The following OTULINL variants were observed in gnomAD, a reference collection of about 807,000 sequenced individuals.
The protein encoded by OTULINL is inactive ubiquitin thioesterase OTULINL.
A neutral mutation model predicts 43.9 loss-of-function variants in OTULINL; 42 were observed. The ratio of observed to expected loss-of-function variants is 0.96; its 90% CI spans 0.75 to 1.24. OTULINL has a LOEUF of 1.24. Among genes scored for constraint, OTULINL ranks in the 50% most tolerant of loss-of-function variants. OTULINL has a pLI of 0.00. For missense variants in OTULINL, 411 were observed against 426.4 expected (o/e 0.96, Z 0.32); for synonymous variants, 172 against 153.6 (o/e 1.12, Z -0.88).
At chr5:14,600,205 GC>G (rs994256975) in intron 1 of OTULINL, among the ~76,000 whole-genome samples, 1 of 152,112 alleles carries the variant, frequency 6.6e-6, no homozygotes, top group African/African-American at 2.4e-5. Context: ...TTTATAAGGG[GC>G]TTTCCCCCCT....
chr5:14,615,063 A>G lies in OTULINL; in HGVS notation c.*4749A>G, dbSNP rs558707482. 10 of 260,800 alleles carry G rather than the reference A, an allele frequency of 3.8e-5. No homozygotes were observed. The Admixed American group carries it at 4.9e-4, about 13-fold the overall frequency. The allele number at this position is 260,800 out of a possible 1,614,324, so 16.2% of individuals were successfully genotyped here. A position where few individuals can be genotyped will look rare whatever the true frequency, so the allele number is the denominator to read the frequency against. On this transcript the variant is annotated 3_prime_UTR_variant, in exon 8 of 8. Coordinates refer to ENST00000274217, the MANE Select transcript of OTULINL (RefSeq NM_019018.3). ...CCCATTTCCACACGAGTATAAATTT[A>G]AAACAGAAACATCAAGGTGTCAGCA... is the stretch of plus-strand genomic sequence containing the variant.
intron 1 of OTULINL, among the ~76,000 whole-genome samples, chr5:14,590,858 A>G (rs1487403139): frequency 1.3e-5 from 2 of 152,188 alleles, no homozygotes; most frequent in Non-Finnish European, 2.9e-5. Context: ...ATCAGGGGCT[A>G]GCAGGATGTG....
chr5:14,583,251 A>G (rs1018020620), intron 1 of OTULINL, among the ~76,000 whole-genome samples: 2 of 152,228 alleles, frequency 1.3e-5, no homozygotes, highest in Non-Finnish European at 2.9e-5. Context: ...GCCTCCAGTT[A>G]GCTGATCCAG....
rs953575310 is a variant in OTULINL at position 14,584,905 on chromosome 5, T to C, written c.64+2947T>C. On this transcript the variant is annotated intron_variant, in intron 1 of 7. Transcript: ENST00000274217. ...TTGTGTTCCCATGGGCAGTGGCAGG[T>C]AATCACTAGGCAGGCAGGTGAATTT... 3.9e-5 allele frequency among the ~76,000 whole-genome samples: 6 copies of C among 152,194 alleles called. 1 individual carries two copies. Among genetic ancestry groups the C allele is most frequent in the Non-Finnish European group, 8.8e-5 (6 of 68,028 alleles).
rs1488739488 is a variant in OTULINL at position 14,581,912 on chromosome 5, C to T, written c.18C>T (p.Ser6=). 5 of 1,412,444 alleles carry T rather than the reference C, an allele frequency of 3.5e-6. No individual in the cohort carries two copies. Among genetic ancestry groups the T allele is most frequent in the Non-Finnish European group, 4.6e-6 (5 of 1,083,094 alleles). 87.5% of individuals were successfully genotyped at this position (1,412,444 alleles called of 1,614,324 possible). A position where few individuals can be genotyped will look rare whatever the true frequency, so the allele number is the denominator to read the frequency against. ...CGGCCGGCATGGCGGCGACAAGGAGCCCCACGCGGGCAAGGGAGCGGGAGC... is the reference window on the plus strand; with the variant it reads ...CGGCCGGCATGGCGGCGACAAGGAGTCCCACGCGGGCAAGGGAGCGGGAGC... The part of the protein sequence containing the change: MAATR[S]PTRARERERS... Residue 6 remains serine (S), a synonymous_variant, in exon 1 of 8, where the codon AGC becomes AGT. Transcript: ENST00000274217.
At chr5:14,589,747 T>C (rs1759166363) in intron 1 of OTULINL, among the ~76,000 whole-genome samples, 1 of 152,070 alleles carries the variant, frequency 6.6e-6, no homozygotes, top group South Asian at 2.1e-4. Context: ...AGTCAGGGGT[T>C]CGAGACCAGC....
At chr5:14,596,982 A>G (rs892556078) in intron 1 of OTULINL, among the ~76,000 whole-genome samples, 2 of 152,200 alleles carry the variant, frequency 1.3e-5, no homozygotes, top group Admixed American at 6.5e-5. Flanking sequence ...TTTCCAACAC[A>G]TAAAACTAAC....
intron 1 of OTULINL, among the ~76,000 whole-genome samples, chr5:14,585,196 A>G (rs1324430797): frequency 6.6e-6 from 1 of 150,768 alleles, no homozygotes. Context: ...GAGAGCTGCT[A>G]GTTACAACTA....
intron 7 of OTULINL, 86 bp from the exon 8 acceptor site, chr5:14,610,055 C>T: frequency 1.7e-6 from 2 of 1,181,696 alleles, no homozygotes; most frequent in Non-Finnish European, 2.5e-6. Context: ...ATTTCATAAA[C>T]TGCAGAGGAA....
At chr5:14,594,731 A>AT (rs1461838037) in intron 1 of OTULINL, among the ~76,000 whole-genome samples, 1 of 152,132 alleles carries the variant, frequency 6.6e-6, no homozygotes, top group Non-Finnish European at 1.5e-5. Context: ...CCTGCCCTTG[A>AT]TTACAAATGA....
At chr5:14,590,046 C>A (rs1035098191) in intron 1 of OTULINL, among the ~76,000 whole-genome samples, 1 of 152,110 alleles carries the variant, frequency 6.6e-6, no homozygotes, top group African/African-American at 2.4e-5. Context: ...CTTACTTTGG[C>A]CAAAGGGAAA....
At chr5:14,590,800 A>G (rs1759188412) in intron 1 of OTULINL, among the ~76,000 whole-genome samples, 1 of 152,150 alleles carries the variant, frequency 6.6e-6, no homozygotes, top group Non-Finnish European at 1.5e-5. Context: ...ATAGGTAATG[A>G]CCATTTTTTA....
intron 1 of OTULINL, among the ~76,000 whole-genome samples, chr5:14,582,522 G>A (rs1450895822): frequency 6.6e-6 from 1 of 152,112 alleles, no homozygotes; most frequent in Non-Finnish European, 1.5e-5. Flanking sequence ...GGGGCCGGGC[G>A]CGGTGGTTCA....
At chr5:14,582,126 C>T (rs1199693610) in intron 1 of OTULINL, among the ~76,000 whole-genome samples, 168 bp downstream of exon 1, 1 of 149,578 alleles carries the variant, frequency 6.7e-6, no homozygotes, top group Non-Finnish European at 1.5e-5. Flanking sequence ...CTGAGCCGGG[C>T]GGGAGTGGGG....
chr5:14,610,066 C>A, intron 7 of OTULINL, 75 bp from the exon 8 acceptor site: 2 of 1,310,420 alleles, frequency 1.5e-6, no homozygotes, highest in Non-Finnish European at 2.2e-6. Context: ...TGCAGAGGAA[C>A]ACTTCCCCCC....
chr5:14,610,016 G>A (rs1470455484), intron 7 of OTULINL, 125 bp from the exon 8 acceptor site: 4 of 725,282 alleles, frequency 5.5e-6, no homozygotes, highest in East Asian at 2.6e-5. Context: ...ACTCAGTGGT[G>A]TATGGGTGGG....
At position 14,614,140 on chromosome 5, in the gene OTULINL, C is replaced by T. The variant is rs1579932314; in HGVS notation, c.*3826C>T. ...CAAATTTCTAAAGCTGTATGATTCT[C>T]TTTGCAAGAATGTTTTTCACACTGC... On this transcript the variant is annotated 3_prime_UTR_variant, in exon 8 of 8. Transcript: ENST00000274217. Among the ~76,000 whole-genome samples, 4 of 152,138 alleles carry T rather than the reference C, an allele frequency of 2.6e-5. No individual in the cohort carries two copies. The highest frequency in any genetic ancestry group is 9.7e-5 in the African/African-American group (4 of 41,426).
intron 5 of OTULINL, among the ~76,000 whole-genome samples, chr5:14,602,852 T>G (rs779713106): frequency 6.6e-6 from 1 of 152,234 alleles, no homozygotes; most frequent in Non-Finnish European, 1.5e-5. Flanking sequence ...CATCTTTTCT[T>G]GAGGGGCATC....
At chr5:14,583,230 A>G (rs150921010) in intron 1 of OTULINL, among the ~76,000 whole-genome samples, 4 of 152,340 alleles carry the variant, frequency 2.6e-5, no homozygotes, top group African/African-American at 7.2e-5. Context: ...GTCCTCATCC[A>G]TAAAATGAGA....
Sources: allele counts gnomAD v4.1 joint callset (sites outside exome capture counted in the v4.1 genomes callset), GRCh38; gene constraint gnomAD v4.1.1; transcripts MANE v1.5; gene names NCBI Gene and HGNC (gene_info 2026-07-23, HGNC 2026-07-21).